The following TENM2 variants were observed in gnomAD, a reference collection of about 807,000 sequenced individuals.
The protein encoded by TENM2 is teneurin transmembrane protein 2.
A neutral mutation model predicts 245.2 loss-of-function variants in TENM2; 52 were observed. The observed-to-expected ratio is 0.21, with a 90% CI of 0.17 to 0.27. The LOEUF is 0.27. TENM2 is among the 10% of genes least tolerant of loss of function. The probability of loss-of-function intolerance (pLI) is 1.00; values close to 1 mark genes in which losing one functional copy is unlikely to be tolerated. For synonymous variants in TENM2, 1,363 were observed against 1,438.9 expected (o/e 0.95, Z 1.19); for missense variants, 3,046 against 3,666.8 (o/e 0.83, Z 4.37).
At chr5:168,136,992 C>G (rs1219317467) in intron 12 of TENM2, among the ~76,000 whole-genome samples, 1 of 152,294 alleles carries the variant, frequency 6.6e-6, no homozygotes, top group East Asian at 1.9e-4. Flanking sequence ...CCCCTAGACT[C>G]CAGGTTCCAA....
the TENM2 span, among the ~76,000 whole-genome samples, chr5:167,222,268 A>G: frequency 6.6e-6 from 1 of 152,198 alleles, no homozygotes; most frequent in Non-Finnish European, 1.5e-5. Context: ...GAGGATGTTG[A>G]CACACCAGGC....
At chr5:167,939,201 G>C (rs905282644) in intron 3 of TENM2, among the ~76,000 whole-genome samples, 1 of 152,164 alleles carries the variant, frequency 6.6e-6, no homozygotes, top group Non-Finnish European at 1.5e-5. Context: ...CTACGGAAGA[G>C]GGGGATGGTT....
At chr5:167,373,211 C>A (rs991213452) in intron 1 of TENM2, among the ~76,000 whole-genome samples, 5 of 152,046 alleles carry the variant, frequency 3.3e-5, no homozygotes, top group Non-Finnish European at 4.4e-5. Flanking sequence ...TCAGTGAAGA[C>A]AAGAAAAAAG....
At chr5:167,479,025 T>C (rs959565859) in intron 2 of TENM2, among the ~76,000 whole-genome samples, 3 of 152,030 alleles carry the variant, frequency 2.0e-5, no homozygotes, top group East Asian at 1.9e-4. Flanking sequence ...CATGTGTTTA[T>C]GTGTGTGTGT....
intron 1 of TENM2, among the ~76,000 whole-genome samples, chr5:167,353,584 T>G (rs1333769940): frequency 7.7e-6 from 1 of 129,062 alleles, no homozygotes; most frequent in Admixed American, 9.7e-5. Flanking sequence ...CTCGGCTCAC[T>G]GCAAGCTCCG....
At chr5:168,197,752 TA>T (rs1211925501) in intron 15 of TENM2, among the ~76,000 whole-genome samples, 1 of 151,714 alleles carries the variant, frequency 6.6e-6, no homozygotes. Flanking sequence ...AAATAAAGCT[TA>T]ACATTAGGAC....
the TENM2 span, among the ~76,000 whole-genome samples, chr5:167,016,272 AC>A: frequency 1.2e-4 from 7 of 59,616 alleles, no homozygotes; most frequent in African/African-American, 2.9e-4. Context: ...AAACAAACAA[AC>A]AAACAAACAA....
the TENM2 span, among the ~76,000 whole-genome samples, chr5:167,226,747 C>A: frequency 6.6e-6 from 1 of 151,958 alleles, no homozygotes; most frequent in Admixed American, 6.6e-5. Flanking sequence ...AATTTTCTGT[C>A]TAAATTATCC....
At chr5:167,101,842 T>C in the TENM2 span, among the ~76,000 whole-genome samples, 2 of 100,818 alleles carry the variant, frequency 2.0e-5, no homozygotes, top group Non-Finnish European at 3.7e-5. Context: ...CATTTATATA[T>C]ATATATTTAT....
chr5:167,158,601 T>C, the TENM2 span, among the ~76,000 whole-genome samples: 1 of 152,176 alleles, frequency 6.6e-6, no homozygotes, highest in Non-Finnish European at 1.5e-5. Flanking sequence ...AAGGACCTTT[T>C]TCCTAGTTTG....
In TENM2 at chr5:167,735,820, G is replaced by C. The variant is rs577266109; in HGVS notation, c.503-140166G>C. Among the ~76,000 whole-genome samples, 10 of 151,900 alleles carry C rather than the reference G, an allele frequency of 6.6e-5. No individual in the cohort carries two copies. The East Asian group carries it at 1.9e-3, about 29-fold the overall frequency. On this transcript the variant is annotated intron_variant, in intron 2 of 28. Transcript: ENST00000518659. ...GACCCTGTCTCACAAAAAGAAAAAA[G>C]AGAAAAAAGAAAAGAAAAGAAAGTT...
rs565263707 is a variant in TENM2, at chr5:167,379,507, A to C, written c.502+4034A>C. Among the ~76,000 whole-genome samples the C allele has an allele frequency of 2.0e-5, 3 of 152,292 alleles. No homozygotes were observed. In the South Asian group the frequency reaches 6.2e-4, roughly 32 times the overall value. ...CTCTCCAGAAAGCGGCCTCTCAATAAATCTAGCATTGGAGCGTTTCTTAAG... is the reference window on the plus strand; with the variant it reads ...CTCTCCAGAAAGCGGCCTCTCAATACATCTAGCATTGGAGCGTTTCTTAAG... On this transcript the variant is annotated intron_variant, in intron 2 of 28. Transcript: ENST00000518659.
At chr5:168,015,546 A>C (rs1322576223) in intron 5 of TENM2, among the ~76,000 whole-genome samples, 1 of 152,222 alleles carries the variant, frequency 6.6e-6, no homozygotes, top group African/African-American at 2.4e-5. Flanking sequence ...AAAGAAGACT[A>C]AGGCACTTAT....
chr5:167,835,780 G>A (rs1275232275), intron 2 of TENM2, among the ~76,000 whole-genome samples: 4 of 152,018 alleles, frequency 2.6e-5, no homozygotes, highest in Admixed American at 2.0e-4. Flanking sequence ...GCAAGACAAT[G>A]TTTTTATGTT....
At chr5:167,965,092 A>G (rs1373193930) in intron 4 of TENM2, 1 of 152,194 alleles carries the variant, frequency 6.6e-6, no homozygotes, top group Non-Finnish European at 1.5e-5. Flanking sequence ...TGAATATTCA[A>G]AGATGTGAGG....
the TENM2 span, among the ~76,000 whole-genome samples, chr5:167,183,237 C>T: frequency 8.5e-5 from 13 of 152,126 alleles, no homozygotes; most frequent in East Asian, 1.2e-3. Flanking sequence ...TGATGTATTC[C>T]GCTTCATATT....
chr5:167,399,551 G>A (rs536998958), intron 2 of TENM2, among the ~76,000 whole-genome samples: 8 of 152,294 alleles, frequency 5.3e-5, no homozygotes, highest in Non-Finnish European at 1.2e-4. Flanking sequence ...GTCCTAAATG[G>A]TGACAGGAGG....
chr5:167,950,784 A>T (rs532238041), intron 3 of TENM2, among the ~76,000 whole-genome samples: 3 of 152,328 alleles, frequency 2.0e-5, no homozygotes, highest in Admixed American at 2.0e-4. Context: ...TACTAGACAG[A>T]CAACAATGCC....
At chr5:167,775,712 G>A (rs1291768116) in intron 2 of TENM2, among the ~76,000 whole-genome samples, 1 of 151,986 alleles carries the variant, frequency 6.6e-6, no homozygotes, top group Non-Finnish European at 1.5e-5. Flanking sequence ...ACAAGACATG[G>A]TCCCTATTCT....
Sources: allele counts gnomAD v4.1 joint callset (sites outside exome capture counted in the v4.1 genomes callset), GRCh38; gene constraint gnomAD v4.1.1; transcripts MANE v1.5; gene names NCBI Gene and HGNC (gene_info 2026-07-23, HGNC 2026-07-21).